Variants in HSBP1 observed in about 807,000 individuals in gnomAD.
HSBP1 encodes the protein heat shock factor-binding protein 1.
A neutral mutation model predicts 9.6 loss-of-function variants in HSBP1; 5 were observed. The ratio of observed to expected loss-of-function variants is 0.52; its 90% CI spans 0.27 to 1.09. The LOEUF is 1.09. Among genes scored for constraint, HSBP1 ranks in the 50% least tolerant of loss-of-function variants. The pLI, the probability that HSBP1 is intolerant of heterozygous loss-of-function variation, is 0.11. For missense variants in HSBP1, 121 were observed against 96.3 expected, an observed-to-expected ratio of 1.26 and a Z score of -1.07; for synonymous variants, 42 against 33.3, an observed-to-expected ratio of 1.26 and a Z score of -0.90.
chr16:83,809,205 C>A (rs1904538179), intron 2 of HSBP1, 100 bp from the exon 3 acceptor site: 2 of 735,908 alleles, frequency 2.7e-6, no homozygotes, highest in Admixed American at 2.5e-5. Flanking sequence ...ATTGGAAGAC[C>A]AGTTTCCCTA....
At position 83,809,468 on chromosome 16, in the gene HSBP1, T is replaced by A. The variant is rs758346803; in HGVS notation, c.*2+43T>A. The A allele has an allele frequency of 6.0e-4, 504 of 846,946 alleles. 6 individuals are homozygous for A. In the Admixed American group the frequency reaches 0.015, roughly 26 times the overall value. The allele number at this position is 846,946 out of a possible 1,614,324, so 52.5% of individuals were successfully genotyped here. A position where few individuals can be genotyped will look rare whatever the true frequency, so the allele number is the denominator to read the frequency against. ...TTTTTTTTTCTTTTCTTTTCTTTTT[T>A]TTTTTTTTTTTTTTTTTGACACGGA... On this transcript the variant is annotated intron_variant, in intron 3 of 3. Coordinates refer to ENST00000433866, the MANE Select transcript of HSBP1 (RefSeq NM_001537.4).
chr16:83,808,622 C>A, intron 1 of HSBP1, 58 bp from the exon 2 acceptor site: 1 of 1,412,136 alleles, frequency 7.1e-7, no homozygotes, highest in South Asian at 1.2e-5. Flanking sequence ...CGTCCTGATC[C>A]CAGGAAGTTG....
In HSBP1 at chr16:83,814,851, G is replaced by C. The variant is rs1295716774; in HGVS notation, c.*3433G>C. ...AAACATTTGCCCAGAGCACAACCAC[G>C]GGGAATATGAACCACAGGTTTTCAC... On this transcript the variant is annotated 3_prime_UTR_variant, in exon 4 of 4. Coordinates refer to ENST00000433866, the MANE Select transcript of HSBP1 (RefSeq NM_001537.4). 6.6e-6 allele frequency: 1 copy of C among 152,116 alleles called. No homozygotes were observed. The highest frequency in any genetic ancestry group is 2.4e-5 in the African/African-American group (1 of 41,398). 9.4% of individuals were successfully genotyped at this position (152,116 alleles called of 1,614,324 possible).
rs1904733502 is a variant in HSBP1, at chr16:83,816,876, A to G, written c.*5458A>G. ...CATAAGAGAACAATACCAGGGTTCC[A>G]TCAGAAAGGAAATCAGAATGGCTAT... On this transcript the variant is annotated 3_prime_UTR_variant, in exon 4 of 4. Transcript: ENST00000433866. 6.6e-6 allele frequency: 1 copy of G among 152,276 alleles called. No homozygotes were observed. The highest frequency in any genetic ancestry group is 2.1e-4 in the South Asian group (1 of 4,838). The allele number at this position is 152,276 out of a possible 1,614,324, so 9.4% of individuals were successfully genotyped here. A position where few individuals can be genotyped will look rare whatever the true frequency, so the allele number is the denominator to read the frequency against.
At position 83,815,425 on chromosome 16, in the gene HSBP1, T is replaced by A. The variant is rs1904696654; in HGVS notation, c.*4007T>A. 1 of 150,980 alleles carries A rather than the reference T, an allele frequency of 6.6e-6. No individual in the cohort carries two copies. Among genetic ancestry groups the A allele is most frequent in the Non-Finnish European group, 1.5e-5 (1 of 67,986 alleles). 9.4% of individuals were successfully genotyped at this position (150,980 alleles called of 1,614,324 possible). On this transcript the variant is annotated 3_prime_UTR_variant, in exon 4 of 4. Coordinates refer to ENST00000433866, the MANE Select transcript of HSBP1 (RefSeq NM_001537.4). The stretch of plus-strand genomic sequence containing the variant: ...TACTCAGGAGGCTGAGGTGGGAGGA[T>A]CATTTGAGCCCAGGAAGTCGAGGTT...
intron 3 of HSBP1, 67 bp downstream of exon 3, chr16:83,809,492 G>A (rs1904550580): frequency 2.6e-6 from 2 of 771,204 alleles, no homozygotes; most frequent in Non-Finnish European, 3.9e-6. Flanking sequence ...TTTTGACACG[G>A]AGTTTTGCTC....
intron 2 of HSBP1, 199 bp from the exon 3 acceptor site, chr16:83,809,106 T>C (rs62045410): frequency 3.6e-6 from 2 of 560,434 alleles, no homozygotes; most frequent in African/African-American, 3.8e-5. Context: ...CCATCACTAG[T>C]AAGGGTCAGG....
At chr16:83,808,235 C>A (rs770747053) in intron 1 of HSBP1, 114 bp downstream of exon 1, 15 of 911,068 alleles carry the variant, frequency 1.6e-5, no homozygotes, top group African/African-American at 3.6e-5. Context: ...GCCGAGGCCC[C>A]GTTTCTGGAA....
intron 3 of HSBP1, among the ~76,000 whole-genome samples, chr16:83,810,635 G>A (rs192621164): frequency 5.0e-4 from 75 of 151,310 alleles, no homozygotes; most frequent in Non-Finnish European, 8.8e-4. Flanking sequence ...TGAGGAGCTC[G>A]AGACCAACCT....
rs1043691343 is a variant in HSBP1 at position 83,812,357 on chromosome 16, G to A, written c.*939G>A. 6.6e-6 allele frequency: 1 copy of A among 152,184 alleles called. No homozygotes were observed. The highest frequency in any genetic ancestry group is 2.4e-5 in the African/African-American group (1 of 41,430). 9.4% of individuals were successfully genotyped at this position (152,184 alleles called of 1,614,324 possible). A position where few individuals can be genotyped will look rare whatever the true frequency, so the allele number is the denominator to read the frequency against. The stretch of plus-strand genomic sequence containing the variant: ...TAAAAAACACTATTTTACTTAAACT[G>A]TTTCTTATCTAAATTCTTGCAGAGT... On this transcript the variant is annotated 3_prime_UTR_variant, in exon 4 of 4. Transcript: ENST00000433866.
chr16:83,816,600 G>A lies in HSBP1; in HGVS notation c.*5182G>A, dbSNP rs1376529118. The A allele has an allele frequency of 1.3e-5, 2 of 152,134 alleles. No individual in the cohort carries two copies. Among genetic ancestry groups the A allele is most frequent in the Admixed American group, 1.3e-4 (2 of 15,268 alleles). The allele number at this position is 152,134 out of a possible 1,614,324, so 9.4% of individuals were successfully genotyped here. ...GCAAACAGGACCCGCATGATAGGTT[G>A]AGCCATGTGGTTCTTGTTTTTTTGT... On this transcript the variant is annotated 3_prime_UTR_variant, in exon 4 of 4. Coordinates refer to ENST00000433866, the MANE Select transcript of HSBP1 (RefSeq NM_001537.4).
At chr16:83,810,213 G>A (rs541228014) in intron 3 of HSBP1, among the ~76,000 whole-genome samples, 4 of 151,764 alleles carry the variant, frequency 2.6e-5, no homozygotes, top group Middle Eastern at 3.4e-3. Context: ...CTAGATTGTG[G>A]CCACATTAAG....
At chr16:83,808,649 G>A in intron 1 of HSBP1, 31 bp from the exon 2 acceptor site, 2 of 1,584,560 alleles carry the variant, frequency 1.3e-6, no homozygotes, top group Non-Finnish European at 1.7e-6. Flanking sequence ...GATCGATGTG[G>A]ACCGTGTTTG....
chr16:83,814,581 C>T lies in HSBP1; in HGVS notation c.*3163C>T, dbSNP rs1298454939. 1 of 152,272 alleles carries T rather than the reference C, an allele frequency of 6.6e-6. No individual in the cohort carries two copies. Among genetic ancestry groups the T allele is most frequent in the Non-Finnish European group, 1.5e-5 (1 of 68,058 alleles). The allele number at this position is 152,272 out of a possible 1,614,324, so 9.4% of individuals were successfully genotyped here. ...TCTTCGTGTGAGCTGAGCTCCGAAT[C>T]TCAGCTGTCCAGGCTGTCTGGAAAT... On this transcript the variant is annotated 3_prime_UTR_variant, in exon 4 of 4. Transcript: ENST00000433866.
At position 83,812,987 on chromosome 16, in the gene HSBP1, C is replaced by G. The variant is rs1904635601; in HGVS notation, c.*1569C>G. On this transcript the variant is annotated 3_prime_UTR_variant, in exon 4 of 4. Coordinates refer to ENST00000433866, the MANE Select transcript of HSBP1 (RefSeq NM_001537.4). ...TGCCATGAATAAAGGTGCCTGAAAT[C>G]CTGCTATGAAGCTTCCTTTGTGTCA... The G allele has an allele frequency of 6.6e-6, 1 of 152,370 alleles. No homozygotes were observed. The highest frequency in any genetic ancestry group is 1.5e-5 in the Non-Finnish European group (1 of 68,054). 9.4% of individuals were successfully genotyped at this position (152,370 alleles called of 1,614,324 possible). A position where few individuals can be genotyped will look rare whatever the true frequency, so the allele number is the denominator to read the frequency against.
At chr16:83,809,600 G>C (rs1046427267) in intron 3 of HSBP1, among the ~76,000 whole-genome samples, 175 bp downstream of exon 3, 3 of 151,398 alleles carry the variant, frequency 2.0e-5, no homozygotes, top group Non-Finnish European at 2.9e-5. Context: ...CTCCCGAGTA[G>C]CTGGGATTAC....
chr16:83,808,596 C>T, intron 1 of HSBP1, 84 bp from the exon 2 acceptor site: 1 of 1,108,414 alleles, frequency 9.0e-7, no homozygotes, highest in South Asian at 1.4e-5. Flanking sequence ...GGCTGGAACC[C>T]CGGGACCAGG....
At position 83,812,210 on chromosome 16, in the gene HSBP1, A is replaced by T. The variant is rs1270034010; in HGVS notation, c.*792A>T. 6.6e-6 allele frequency: 1 copy of T among 152,632 alleles called. No homozygotes were observed. Among genetic ancestry groups the T allele is most frequent in the Non-Finnish European group, 1.5e-5 (1 of 68,028 alleles). 9.5% of individuals were successfully genotyped at this position (152,632 alleles called of 1,614,324 possible). On this transcript the variant is annotated 3_prime_UTR_variant, in exon 4 of 4. Transcript: ENST00000433866. ...AAAATCTGGCAGGATTTTAAAACTC[A>T]ATCAGTCTTTCCTTTGAGCTAGTGA... is the stretch of plus-strand genomic sequence containing the variant.
chr16:83,810,521 CAAAAAAAA>C (rs751338141), intron 3 of HSBP1, among the ~76,000 whole-genome samples: 3 of 51,610 alleles, frequency 5.8e-5, no homozygotes, highest in Non-Finnish European at 9.7e-5. Flanking sequence ...GACTCTGTCT[CAAAAAAAA>C]AAAAAAAAAA....
Sources: gnomAD v4.1 joint callset for allele counts (sites outside exome capture counted in the v4.1 genomes callset) on GRCh38, gnomAD v4.1.1 for gene constraint, MANE v1.5 for transcripts, NCBI Gene and HGNC (gene_info 2026-07-23, HGNC 2026-07-21) for gene names.